Variants in PRKG1 observed in about 807,000 individuals in gnomAD.
The protein encoded by PRKG1 is cGMP-dependent protein kinase 1.
Under a neutral mutation model 88.1 loss-of-function variants are expected in PRKG1, and 35 were observed. The ratio of observed to expected loss-of-function variants is 0.40; its 90% CI spans 0.30 to 0.53. The LOEUF (loss-of-function observed/expected upper bound fraction) is 0.53. Ranked by LOEUF, PRKG1 falls within the 20% of genes least tolerant of loss-of-function variation. PRKG1 has a pLI of 0.59. For synonymous variants in PRKG1, 303 were observed against 292.5 expected (o/e 1.04, Z -0.37); for missense variants, 540 against 839.8 (o/e 0.64, Z 4.41).
chr10:51,190,635 T>G (rs972132598), intron 2 of PRKG1, among the ~76,000 whole-genome samples: 3 of 151,866 alleles, frequency 2.0e-5, no homozygotes, highest in Non-Finnish European at 4.4e-5. Context: ...TCTTTCTTTG[T>G]GCTCTCTTTC....
intron 3 of PRKG1, among the ~76,000 whole-genome samples, chr10:51,690,638 G>C (rs975039986): frequency 2.0e-5 from 3 of 151,918 alleles, no homozygotes; most frequent in African/African-American, 7.3e-5. Context: ...AGAAATTAAA[G>C]AATTTTGGGC....
intron 3 of PRKG1, among the ~76,000 whole-genome samples, chr10:51,481,189 C>A (rs1248083199): frequency 6.8e-6 from 1 of 148,072 alleles, no homozygotes; most frequent in Non-Finnish European, 1.5e-5. Context: ...CCCTCCTTCC[C>A]TCCCTCTCTC....
chr10:51,543,505 C>T (rs1842365606), intron 3 of PRKG1, among the ~76,000 whole-genome samples: 1 of 152,134 alleles, frequency 6.6e-6, no homozygotes, highest in Non-Finnish European at 1.5e-5. Context: ...TAGTGGGGCT[C>T]AGTGTTTTTC....
chr10:52,118,976 C>T (rs1847752550), intron 7 of PRKG1, among the ~76,000 whole-genome samples: 1 of 151,990 alleles, frequency 6.6e-6, no homozygotes, highest in Non-Finnish European at 1.5e-5. Context: ...TGGTTTTATA[C>T]ACATTTATTA....
chr10:51,029,441 A>G (rs74922704), intron 1 of PRKG1, among the ~76,000 whole-genome samples: 1 of 151,978 alleles, frequency 6.6e-6, no homozygotes, highest in African/African-American at 2.4e-5. Context: ...GCCTGTAACT[A>G]TTTTTTTTAG....
chr10:51,692,298 A>G (rs1321302998), intron 3 of PRKG1, among the ~76,000 whole-genome samples: 1 of 151,948 alleles, frequency 6.6e-6, no homozygotes, highest in East Asian at 1.9e-4. Context: ...GCTGGAGTGC[A>G]GTGGCGCGAT....
At chr10:51,099,042 A>G (rs535113736) in intron 1 of PRKG1, among the ~76,000 whole-genome samples, 2 of 152,282 alleles carry the variant, frequency 1.3e-5, no homozygotes, top group Admixed American at 6.5e-5. Flanking sequence ...TGTGAAACAC[A>G]GTCTATAGAA....
chr10:51,822,162 T>C (rs1368187891), intron 4 of PRKG1, among the ~76,000 whole-genome samples: 2 of 152,060 alleles, frequency 1.3e-5, no homozygotes, highest in East Asian at 3.9e-4. Flanking sequence ...TATGTATATA[T>C]ACATATGTCA....
At chr10:51,209,945 T>C (rs1267567858) in intron 2 of PRKG1, among the ~76,000 whole-genome samples, 1 of 152,188 alleles carries the variant, frequency 6.6e-6, no homozygotes, top group Non-Finnish European at 1.5e-5. Context: ...AAGTGTGTTC[T>C]GACTTTTTCA....
chr10:51,066,839 TA>T lies in PRKG1; in HGVS notation c.266+75196del, dbSNP rs1015793016. Among the ~76,000 whole-genome samples, 89 of 152,238 alleles carry T rather than the reference TA, an allele frequency of 5.8e-4. 1 individual carries two copies. The highest frequency in any genetic ancestry group is 2.1e-3 in the African/African-American group (86 of 41,570). ...TTTTGACCATGAAACCCTTTTTCAT[TA>T]CATTTATTACCATTTTAAGGAAGTA... On this transcript the variant is annotated intron_variant, in intron 1 of 17. Transcript: ENST00000401604.
At chr10:51,737,734 TTTATTAATTATTA>T (rs1283358242) in intron 3 of PRKG1, among the ~76,000 whole-genome samples, 6 of 140,304 alleles carry the variant, frequency 4.3e-5, no homozygotes, top group African/African-American at 1.6e-4. Context: ...TATTTATTTA[TTTATTAATTATTA>T]TTATTATTAT....
intron 1 of PRKG1, among the ~76,000 whole-genome samples, chr10:51,008,664 C>T (rs543526185): frequency 5.9e-5 from 9 of 152,208 alleles, no homozygotes; most frequent in East Asian, 3.9e-4. Flanking sequence ...AATATGATGT[C>T]GTCTTGATTA....
intron 4 of PRKG1, among the ~76,000 whole-genome samples, chr10:51,812,666 C>T (rs61850003): frequency 0.43 from 65,614 of 152,000 alleles, 16,419 homozygotes; most frequent in Non-Finnish European, 0.57. Flanking sequence ...CATCACTGAT[C>T]GCTGGATAAA....
chr10:51,855,007 A>T (rs985270230), intron 4 of PRKG1, among the ~76,000 whole-genome samples: 1 of 152,222 alleles, frequency 6.6e-6, no homozygotes, highest in Admixed American at 6.5e-5. Flanking sequence ...GATGAGTGTT[A>T]AAACCATTTT....
chr10:51,788,980 A>C (rs1182871059), intron 3 of PRKG1, among the ~76,000 whole-genome samples: 2 of 152,162 alleles, frequency 1.3e-5, no homozygotes, highest in East Asian at 3.9e-4. Context: ...GAAAAGGAAA[A>C]TCCCTCCTTT....
intron 2 of PRKG1, among the ~76,000 whole-genome samples, chr10:51,438,887 T>G (rs1416752197): frequency 6.6e-6 from 1 of 151,880 alleles, no homozygotes; most frequent in Non-Finnish European, 1.5e-5. Context: ...TGAACAGTTT[T>G]ACAGATTACA....
chr10:52,247,716 C>T (rs2132393326), intron 9 of PRKG1, among the ~76,000 whole-genome samples: 1 of 152,276 alleles, frequency 6.6e-6, no homozygotes, highest in South Asian at 2.1e-4. Context: ...CATGTTAAAA[C>T]AACTATTAAT....
chr10:51,523,461 A>G (rs191524439), intron 3 of PRKG1, among the ~76,000 whole-genome samples: 76 of 152,358 alleles, frequency 5.0e-4, no homozygotes, highest in Non-Finnish European at 8.5e-4. Context: ...GTCTACAAAC[A>G]TGAAGCCCAG....
intron 3 of PRKG1, among the ~76,000 whole-genome samples, chr10:51,768,917 T>C (rs551790891): frequency 3.3e-5 from 5 of 152,202 alleles, no homozygotes; most frequent in Non-Finnish European, 7.3e-5. Flanking sequence ...ACTATTAATA[T>C]GTTATGCCAT....
Sources: allele counts gnomAD v4.1 joint callset (sites outside exome capture counted in the v4.1 genomes callset), GRCh38; gene constraint gnomAD v4.1.1; transcripts MANE v1.5; gene names NCBI Gene and HGNC (gene_info 2026-07-23, HGNC 2026-07-21).